Variants in CACNA1D observed in about 807,000 individuals in gnomAD.
CACNA1D encodes the protein voltage-dependent L-type calcium channel subunit alpha-1D.
Under a neutral mutation model 257.1 loss-of-function variants are expected in CACNA1D, and 55 were observed. The observed-to-expected ratio is 0.21, with a 90% CI of 0.17 to 0.27. The LOEUF is 0.27. Among genes scored for constraint, CACNA1D ranks in the 10% least tolerant of loss-of-function variants. The probability of loss-of-function intolerance (pLI) is 1.00; values close to 1 mark genes in which losing one functional copy is unlikely to be tolerated. For missense variants in CACNA1D, 1,876 were observed against 2,784.0 expected, an observed-to-expected ratio of 0.67 and a Z score of 7.34; for synonymous variants, 980 against 1,014.9, an observed-to-expected ratio of 0.97 and a Z score of 0.65.
intron 11 of CACNA1D, among the ~76,000 whole-genome samples, chr3:53,720,871 G>T (rs58725641): frequency 1.3e-5 from 2 of 152,188 alleles, no homozygotes; most frequent in East Asian, 1.9e-4. Flanking sequence ...TATTTACCAC[G>T]TTTATATTTG....
intron 8 of CACNA1D, among the ~76,000 whole-genome samples, chr3:53,688,751 CATT>C (rs2094494937): frequency 6.6e-6 from 1 of 152,192 alleles, no homozygotes; most frequent in African/African-American, 2.4e-5. Context: ...AGGGATAAAA[CATT>C]AATCCACAGT....
At position 53,622,733 on chromosome 3, in the gene CACNA1D, C is replaced by T. The variant is rs117461263; in HGVS notation, c.484-28046C>T. On this transcript the variant is annotated intron_variant, in intron 3 of 47. Coordinates refer to ENST00000350061, the MANE Select transcript of CACNA1D (RefSeq NM_001128840.3). ...AGTTTACCTGTAACAAATCTGCACTCGTACCCCTGAACTTAAAAAAAGGTA... is the reference window on the plus strand; with the variant it reads ...AGTTTACCTGTAACAAATCTGCACTTGTACCCCTGAACTTAAAAAAAGGTA... Among the ~76,000 whole-genome samples the T allele has an allele frequency of 4.2e-3, 637 of 152,100 alleles. 22 individuals carry two copies. The East Asian group carries it at 0.083, about 20-fold the overall frequency.
At chr3:53,607,772 T>A (rs1371956027) in intron 3 of CACNA1D, among the ~76,000 whole-genome samples, 2 of 152,266 alleles carry the variant, frequency 1.3e-5, no homozygotes, top group Non-Finnish European at 2.9e-5. Flanking sequence ...ATCCAGTTGT[T>A]CTAGCATCAT....
At chr3:53,597,472 G>A (rs563875845) in intron 3 of CACNA1D, among the ~76,000 whole-genome samples, 60 of 152,322 alleles carry the variant, frequency 3.9e-4, no homozygotes, top group African/African-American at 1.4e-3. Context: ...GGCCTGGTCT[G>A]ATCCTTTTCT....
intron 3 of CACNA1D, among the ~76,000 whole-genome samples, chr3:53,631,609 G>A (rs2093823363): frequency 6.6e-6 from 1 of 152,208 alleles, no homozygotes; most frequent in African/African-American, 2.4e-5. Context: ...CCAGAATGGT[G>A]AATTCCTCCC....
At chr3:53,629,041 T>C (rs1336415658) in intron 3 of CACNA1D, among the ~76,000 whole-genome samples, 6 of 152,306 alleles carry the variant, frequency 3.9e-5, no homozygotes, top group African/African-American at 1.4e-4. Flanking sequence ...ATAGTAAATA[T>C]TCTAGGCTTT....
intron 3 of CACNA1D, among the ~76,000 whole-genome samples, chr3:53,558,590 G>A (rs1192988511): frequency 2.0e-5 from 3 of 152,098 alleles, no homozygotes; most frequent in Non-Finnish European, 4.4e-5. Flanking sequence ...ATCCCTCTGA[G>A]ATTGTTCTTT....
intron 3 of CACNA1D, among the ~76,000 whole-genome samples, chr3:53,515,145 G>A (rs559465191): frequency 1.1e-4 from 17 of 152,260 alleles, no homozygotes; most frequent in African/African-American, 3.9e-4. Context: ...ATGGTGGTCC[G>A]GGGTAAAAAG....
chr3:53,645,428 G>T (rs2094008516), intron 3 of CACNA1D, among the ~76,000 whole-genome samples: 1 of 152,080 alleles, frequency 6.6e-6, no homozygotes, highest in Admixed American at 6.5e-5. Context: ...CTGTTTTTCT[G>T]TAGTACTTTC....
At chr3:53,660,730 A>C (rs544646596) in intron 5 of CACNA1D, among the ~76,000 whole-genome samples, 2 of 152,018 alleles carry the variant, frequency 1.3e-5, no homozygotes, top group Non-Finnish European at 2.9e-5. Context: ...GGACTCCTGG[A>C]AACTCTGATT....
chr3:53,712,395 T>C (rs1302761297), intron 9 of CACNA1D, among the ~76,000 whole-genome samples: 1 of 152,234 alleles, frequency 6.6e-6, no homozygotes, highest in Non-Finnish European at 1.5e-5. Context: ...GAGATAGTTA[T>C]TGTCTGGGCA....
intron 3 of CACNA1D, among the ~76,000 whole-genome samples, chr3:53,527,898 C>T (rs2091821792): frequency 6.6e-6 from 1 of 152,152 alleles, no homozygotes; most frequent in Non-Finnish European, 1.5e-5. Flanking sequence ...CATGATCTGT[C>T]CATGAGTGTA....
At position 53,723,152 on chromosome 3, in the gene CACNA1D, G is replaced by A. The variant is rs756307108; in HGVS notation, c.1667-282G>A. Among the ~76,000 whole-genome samples the A allele has an allele frequency of 6.6e-6, 1 of 152,170 alleles. No individual in the cohort carries two copies. Among genetic ancestry groups the A allele is most frequent in the Non-Finnish European group, 1.5e-5 (1 of 68,028 alleles). On this transcript the variant is annotated intron_variant, in intron 12 of 47. Transcript: ENST00000350061. The surrounding 1 kb of genome is among the most constrained non-coding windows in gnomAD (Gnocchi z 5.6). ...GAAGGAGTCAGAGATTATGTGATGA[G>A]CTGCCCCTTCCCATTTTGTCATCAG...
In CACNA1D at chr3:53,707,175, A is replaced by G. The variant is rs556404862; in HGVS notation, c.1390+4365A>G. Reference sequence around the variant, plus strand: ...TTTTCTCTCTGATCTGCTAAATGTCACTGCATGCGTCTGCGATGCCCAACA... The same window carrying G: ...TTTTCTCTCTGATCTGCTAAATGTCGCTGCATGCGTCTGCGATGCCCAACA... On this transcript the variant is annotated intron_variant, in intron 9 of 47. Coordinates refer to ENST00000350061, the MANE Select transcript of CACNA1D (RefSeq NM_001128840.3). Among the ~76,000 whole-genome samples, 71 of 152,108 alleles carry G rather than the reference A, an allele frequency of 4.7e-4. 1 individual carries two copies. The South Asian group carries it at 0.015, about 31-fold the overall frequency.
chr3:53,674,758 C>T (rs975629148), intron 8 of CACNA1D, among the ~76,000 whole-genome samples: 12 of 152,142 alleles, frequency 7.9e-5, no homozygotes, highest in Admixed American at 1.3e-4. Context: ...CAGCCATTGC[C>T]GGGTTGTGGG....
intron 3 of CACNA1D, among the ~76,000 whole-genome samples, chr3:53,612,526 G>A (rs2093594286): frequency 6.6e-6 from 1 of 152,226 alleles, no homozygotes; most frequent in Non-Finnish European, 1.5e-5. Flanking sequence ...GCTGGGATCT[G>A]TTCAGCTCAC....
rs538586686 is a variant in CACNA1D at position 53,501,358 on chromosome 3, C to G, written c.378-257C>G. Among the ~76,000 whole-genome samples the G allele has an allele frequency of 3.2e-4, 49 of 152,150 alleles. No homozygotes were observed. The South Asian group carries it at 5.6e-3, about 17-fold the overall frequency. On this transcript the variant is annotated intron_variant, in intron 2 of 47. Transcript: ENST00000350061. ...TAGGTTTTAATATGCAGTGTGCAGC[C>G]GAAGAATGAGTGTAACATGATCCTT...
Position 53,751,968 on chromosome 3 carries a change from A to G in CACNA1D, c.3675+61A>G. The G allele has an allele frequency of 1.3e-6, 2 of 1,524,324 alleles. No homozygotes were observed. 94.4% of individuals were successfully genotyped at this position (1,524,324 alleles called of 1,614,324 possible). A position where few individuals can be genotyped will look rare whatever the true frequency, so the allele number is the denominator to read the frequency against. On this transcript the variant is annotated intron_variant, in intron 28 of 47. Coordinates refer to ENST00000350061, the MANE Select transcript of CACNA1D (RefSeq NM_001128840.3). This position sits in a 1 kb window ranked among gnomAD's most constrained non-coding sequence, Gnocchi z 4.3. ...GCATTCCGCACAGCCCCGTGCCCCA[A>G]ATGCTGAGGGTGGAATGCTGCCCCT...
chr3:53,771,997 G>A (rs1265946125), intron 32 of CACNA1D, among the ~76,000 whole-genome samples: 1 of 152,256 alleles, frequency 6.6e-6, no homozygotes, highest in Non-Finnish European at 1.5e-5. Context: ...CTCTCGGATA[G>A]TAGAGAAAGC....
Sources: allele counts gnomAD v4.1 joint callset (sites outside exome capture counted in the v4.1 genomes callset), GRCh38; gene constraint gnomAD v4.1.1; non-coding constraint Gnocchi (gnomAD v3.1); transcripts MANE v1.5; gene names NCBI Gene and HGNC (gene_info 2026-07-23, HGNC 2026-07-21).